Variants in SEPHS1 observed in about 807,000 individuals in gnomAD.
SEPHS1 encodes the protein zincore component SEPHS1.
In SEPHS1, 7 loss-of-function variants were observed where a neutral mutation model predicts 39.2. That is an observed-to-expected ratio of 0.18 (90% CI 0.10 to 0.34). SEPHS1 has a LOEUF of 0.34. Ranked by LOEUF, SEPHS1 falls within the 10% of genes least tolerant of loss-of-function variation. The pLI is 1.00. For synonymous variants in SEPHS1, 190 were observed against 195.5 expected (o/e 0.97, Z 0.23); for missense variants, 253 against 514.5 (o/e 0.49, Z 4.92).
chr10:13,321,206 T>G (rs1217072220), intron 8 of SEPHS1, among the ~76,000 whole-genome samples: 1 of 151,842 alleles, frequency 6.6e-6, no homozygotes, highest in African/African-American at 2.4e-5. Flanking sequence ...CCACCCGAGA[T>G]GGATCCCACC....
chr10:13,335,168 A>T (rs1354312514), intron 4 of SEPHS1, among the ~76,000 whole-genome samples: 2 of 152,250 alleles, frequency 1.3e-5, no homozygotes, highest in Non-Finnish European at 2.9e-5. Flanking sequence ...TTCAAAGAAC[A>T]GGTTCAGGCA....
chr10:13,334,820 T>C (rs1370162517), intron 4 of SEPHS1, among the ~76,000 whole-genome samples: 1 of 152,236 alleles, frequency 6.6e-6, no homozygotes, highest in African/African-American at 2.4e-5. Context: ...GACACCAACA[T>C]TGTCTGGACT....
At chr10:13,327,681 G>A (rs1406272617) in intron 7 of SEPHS1, among the ~76,000 whole-genome samples, 2 of 152,190 alleles carry the variant, frequency 1.3e-5, no homozygotes, top group Non-Finnish European at 2.9e-5. Context: ...AGCTGAGCCA[G>A]TACTGATCTC....
intron 8 of SEPHS1, among the ~76,000 whole-genome samples, chr10:13,321,717 A>G (rs2254154): frequency 0.42 from 64,068 of 152,068 alleles, 14,028 homozygotes; most frequent in Middle Eastern, 0.52. Flanking sequence ...CTTCAGGAGG[A>G]CGCGCCATCT....
chr10:13,335,252 C>T (rs916635124), intron 4 of SEPHS1, among the ~76,000 whole-genome samples: 20 of 152,248 alleles, frequency 1.3e-4, no homozygotes, highest in African/African-American at 4.1e-4. Context: ...TCACCATCTA[C>T]GTCCACGACA....
chr10:13,323,127 C>T, intron 7 of SEPHS1, 80 bp from the exon 8 acceptor site: 2 of 1,095,850 alleles, frequency 1.8e-6, no homozygotes, highest in Non-Finnish European at 2.7e-6. Flanking sequence ...TAATCTGCAA[C>T]TTCCTTACTT....
chr10:13,324,279 A>G (rs1452312266), intron 7 of SEPHS1, among the ~76,000 whole-genome samples: 1 of 152,180 alleles, frequency 6.6e-6, no homozygotes, highest in Non-Finnish European at 1.5e-5. Context: ...TTACTGCTCA[A>G]TTATATTCCA....
At chr10:13,336,488 T>A in intron 3 of SEPHS1, 138 bp from the exon 4 acceptor site, 1 of 695,380 alleles carries the variant, frequency 1.4e-6, no homozygotes, top group Non-Finnish European at 2.6e-6. Flanking sequence ...GTCCTCAGTT[T>A]CTATGATTTG....
intron 5 of SEPHS1, among the ~76,000 whole-genome samples, chr10:13,331,486 A>AGTGATTCTTCTGCC (rs1833467786): frequency 6.6e-6 from 1 of 152,092 alleles, no homozygotes. Context: ...CCTGGGTTCA[A>AGTGATTCTTCTGCC]ACCACTCTCC....
intron 1 of SEPHS1, among the ~76,000 whole-genome samples, chr10:13,345,781 G>A (rs1225770554): frequency 1.3e-5 from 2 of 152,210 alleles, no homozygotes; most frequent in Non-Finnish European, 2.9e-5. Context: ...GGAGGCTGAG[G>A]CAAGAGAATC....
At chr10:13,330,440 T>G (rs1833429420) in intron 5 of SEPHS1, among the ~76,000 whole-genome samples, 1 of 152,142 alleles carries the variant, frequency 6.6e-6, no homozygotes, top group Non-Finnish European at 1.5e-5. Context: ...GTCCCTGTCT[T>G]AGAGACAGAA....
At chr10:13,340,253 C>T (rs1406147474) in intron 2 of SEPHS1, among the ~76,000 whole-genome samples, 1 of 151,736 alleles carries the variant, frequency 6.6e-6, no homozygotes, top group Non-Finnish European at 1.5e-5. Flanking sequence ...TGAAGACAGG[C>T]TGATTTTTAT....
rs777746151 is a variant in SEPHS1 at position 13,322,926 on chromosome 10, G to A, written c.873C>T (p.His291=). 6.2e-7 allele frequency: 1 copy of A among 1,614,040 alleles called. No homozygotes were observed. The highest frequency in any genetic ancestry group is 8.5e-7 in the Non-Finnish European group (1 of 1,179,912). ...QQRNEVSFVI[H]NLPVLAKMAA... ...CCATCTTGGCCAGCACCGGGAGGTT[G>A]TGAATTACAAACGACACCTCGTTCC... The change falls in exon 8 of 9, where the codon CAC becomes CAT. Residue 291 remains histidine, a synonymous_variant. Coordinates refer to ENST00000327347, the MANE Select transcript of SEPHS1 (RefSeq NM_012247.5).
rs1234611315 is a variant in SEPHS1, at chr10:13,328,399, G to C, written c.703C>G (p.Leu235Val). ...TTCATCATCGCCTCCTGGTAGGCCA[G>C]CTCTACATCTTCTTGGGTGACCACT... The part of the protein sequence containing the change: ...KLVVTQEDVE[L>V]AYQEAMMNMA... The change falls in exon 7 of 9, where the codon CTG becomes GTG. Residue 235 changes from leucine to valine, a missense_variant. Around this residue, in one of 4 missense-constraint regions of SEPHS1, gnomAD observed 107 missense variants for 257.1 expected, o/e 0.42. Transcript: ENST00000327347. 5 of 1,613,800 alleles carry C rather than the reference G, an allele frequency of 3.1e-6. No homozygotes were observed. The highest frequency in any genetic ancestry group is 1.1e-5 in the South Asian group (1 of 91,066).
intron 8 of SEPHS1, among the ~76,000 whole-genome samples, chr10:13,319,972 GACAA>G (rs1231090521): frequency 6.6e-6 from 1 of 152,042 alleles, no homozygotes; most frequent in African/African-American, 2.4e-5. Context: ...AACAAATATT[GACAA>G]ACAAAAGGGA....
intron 7 of SEPHS1, among the ~76,000 whole-genome samples, chr10:13,325,402 T>C (rs1248205779): frequency 6.6e-6 from 1 of 152,208 alleles, no homozygotes; most frequent in Non-Finnish European, 1.5e-5. Flanking sequence ...GACTGAATCA[T>C]GAGGGCGGTT....
At chr10:13,325,142 G>A (rs1367934898) in intron 7 of SEPHS1, among the ~76,000 whole-genome samples, 4 of 151,956 alleles carry the variant, frequency 2.6e-5, no homozygotes, top group Admixed American at 6.6e-5. Flanking sequence ...GTTTTTCACC[G>A]AGCAGAAGTT....
intron 5 of SEPHS1, among the ~76,000 whole-genome samples, chr10:13,331,713 A>C (rs1199411154): frequency 6.6e-6 from 1 of 152,232 alleles, no homozygotes; most frequent in Non-Finnish European, 1.5e-5. Context: ...CAAGACATCA[A>C]ACATGGAAAG....
chr10:13,336,068 A>T (rs7894075), intron 4 of SEPHS1, among the ~76,000 whole-genome samples, 175 bp downstream of exon 4: 5 of 151,458 alleles, frequency 3.3e-5, no homozygotes, highest in African/African-American at 4.8e-5. Flanking sequence ...TGACTAGGCC[A>T]GGCTTCCTCA....
Sources: gnomAD v4.1 joint callset for allele counts (sites outside exome capture counted in the v4.1 genomes callset) on GRCh38, gnomAD v4.1.1 for gene constraint, gnomAD v4.1.1 regional missense constraint, MANE v1.5 for transcripts, NCBI Gene and HGNC (gene_info 2026-07-23, HGNC 2026-07-21) for gene names.